The following ASCC1 variants were observed in gnomAD, a reference collection of about 807,000 sequenced individuals.
ASCC1 encodes ASC-1 complex subunit P50.
In ASCC1, 35 loss-of-function variants were observed where a neutral mutation model predicts 46.6. The ratio of observed to expected loss-of-function variants is 0.75; its 90% CI spans 0.57 to 0.99. ASCC1 has a LOEUF of 0.99. Among genes scored for constraint, ASCC1 ranks in the 50% least tolerant of loss-of-function variants. ASCC1 has a pLI of 0.00. For missense variants in ASCC1, 376 were observed against 428.7 expected, an observed-to-expected ratio of 0.88 and a Z score of 1.09; for synonymous variants, 143 against 146.6, an observed-to-expected ratio of 0.98 and a Z score of 0.18.
intron 5 of ASCC1, among the ~76,000 whole-genome samples, chr10:72,174,182 G>A (rs1484978487): frequency 6.6e-6 from 1 of 152,176 alleles, no homozygotes; most frequent in Admixed American, 6.5e-5. Flanking sequence ...TCAGTCCTGA[G>A]TGCATGGAGC....
At chr10:72,213,689 G>A (rs1858540672) in intron 1 of ASCC1, among the ~76,000 whole-genome samples, 1 of 150,810 alleles carries the variant, frequency 6.6e-6, no homozygotes, top group Non-Finnish European at 1.5e-5. Context: ...GGGAGGATTG[G>A]TTGAGGCTGG....
At chr10:72,130,258 T>C (rs1305223849) in intron 8 of ASCC1, among the ~76,000 whole-genome samples, 1 of 151,872 alleles carries the variant, frequency 6.6e-6, no homozygotes, top group East Asian at 1.9e-4. Context: ...TGCCAGTGGG[T>C]ATGGGGTTTC....
chr10:72,216,775 C>T (rs987722976), upstream of ASCC1: 3 of 455,562 alleles, frequency 6.6e-6, no homozygotes, highest in African/African-American at 6.0e-5. Flanking sequence ...GTCCACAAAG[C>T]ATCGTTACTC....
chr10:72,128,666 T>C (rs1359790184), intron 8 of ASCC1, among the ~76,000 whole-genome samples: 3 of 152,198 alleles, frequency 2.0e-5, no homozygotes, highest in Admixed American at 6.5e-5. Context: ...AGCCCTTCAG[T>C]TGCAATCAAA....
intron 6 of ASCC1, among the ~76,000 whole-genome samples, chr10:72,160,723 T>A (rs1434670739): frequency 7.4e-6 from 1 of 134,970 alleles, no homozygotes. Flanking sequence ...ATAAAAATAA[T>A]AATAAAAAAA....
chr10:72,128,655 G>T (rs1845182153), intron 8 of ASCC1, among the ~76,000 whole-genome samples: 1 of 152,204 alleles, frequency 6.6e-6, no homozygotes, highest in Non-Finnish European at 1.5e-5. Context: ...AGAGGAAAAA[G>T]AGCCCTTCAG....
intron 9 of ASCC1, among the ~76,000 whole-genome samples, chr10:72,104,311 G>C (rs1390147687): frequency 6.6e-6 from 1 of 152,160 alleles, no homozygotes; most frequent in Non-Finnish European, 1.5e-5. Context: ...CACTGCCACT[G>C]CTTTTCCTGG....
intron 5 of ASCC1, among the ~76,000 whole-genome samples, chr10:72,174,628 T>C (rs1319052742): frequency 1.3e-5 from 2 of 152,222 alleles, no homozygotes; most frequent in African/African-American, 4.8e-5. Context: ...GCCTTGGTGG[T>C]ACATGCCAAT....
intron 9 of ASCC1, among the ~76,000 whole-genome samples, chr10:72,099,981 T>G (rs1841552410): frequency 6.6e-6 from 1 of 152,214 alleles, no homozygotes; most frequent in Non-Finnish European, 1.5e-5. Context: ...GTATTTCTTA[T>G]GATGTTTTTA....
intron 5 of ASCC1, chr10:72,190,121 A>C: frequency 2.6e-6 from 2 of 760,406 alleles, no homozygotes; most frequent in Non-Finnish European, 4.8e-6. Flanking sequence ...AGGTTACATT[A>C]TATATAGGAT....
intron 7 of ASCC1, chr10:72,133,845 T>TC (rs1451792714): frequency 6.4e-6 from 1 of 157,228 alleles, no homozygotes; most frequent in Non-Finnish European, 1.4e-5. Context: ...CTATGATGTG[T>TC]CAGGCACAGT....
At chr10:72,152,102 C>G (rs1478934453) in intron 7 of ASCC1, among the ~76,000 whole-genome samples, 3 of 151,780 alleles carry the variant, frequency 2.0e-5, no homozygotes, top group African/African-American at 7.3e-5. Context: ...AGGTGATCCT[C>G]CCACCTCAGC....
chr10:72,165,116 CTT>C (rs60672884), intron 5 of ASCC1, among the ~76,000 whole-genome samples: 6 of 151,754 alleles, frequency 4.0e-5, no homozygotes, highest in African/African-American at 1.5e-4. Context: ...AGTTGAAACT[CTT>C]TTTCTTTTTT....
intron 5 of ASCC1, among the ~76,000 whole-genome samples, chr10:72,184,200 G>T (rs777537499): frequency 2.7e-5 from 4 of 148,268 alleles, no homozygotes; most frequent in Non-Finnish European, 6.0e-5. Context: ...GTACAAAGAA[G>T]AGATGAACAG....
At chr10:72,168,176 G>A (rs994210870) in intron 5 of ASCC1, among the ~76,000 whole-genome samples, 5 of 152,074 alleles carry the variant, frequency 3.3e-5, no homozygotes, top group African/African-American at 7.2e-5. Flanking sequence ...GGGTGACAGA[G>A]CGAGACTCCA....
At chr10:72,213,470 G>T (rs1308489791) in intron 1 of ASCC1, 139 bp from the exon 2 acceptor site, 7 of 621,936 alleles carry the variant, frequency 1.1e-5, no homozygotes, top group Non-Finnish European at 2.1e-5. Flanking sequence ...TTTCCCATTG[G>T]ATTTCCCATC....
intron 9 of ASCC1, among the ~76,000 whole-genome samples, chr10:72,118,767 G>C (rs1843809223): frequency 6.7e-6 from 1 of 149,222 alleles, no homozygotes; most frequent in Admixed American, 6.7e-5. Flanking sequence ...CAACAAGAAT[G>C]AAACTCCGTC....
At chr10:72,173,553 A>G (rs937417246) in intron 5 of ASCC1, among the ~76,000 whole-genome samples, 28 of 152,226 alleles carry the variant, frequency 1.8e-4, no homozygotes, top group Non-Finnish European at 5.9e-5. Context: ...ACTCTACTGT[A>G]GACTATATAA....
chr10:72,117,343 T>A (rs1162420131), intron 9 of ASCC1, among the ~76,000 whole-genome samples: 1 of 152,212 alleles, frequency 6.6e-6, no homozygotes, highest in Non-Finnish European at 1.5e-5. Flanking sequence ...TGATGGTACC[T>A]TCTTCCAGAG....
Sources: allele counts gnomAD v4.1 joint callset (sites outside exome capture counted in the v4.1 genomes callset), GRCh38; gene constraint gnomAD v4.1.1; transcripts MANE v1.5; gene names NCBI Gene and HGNC (gene_info 2026-07-23, HGNC 2026-07-21).